The following ROBO2 variants were observed in gnomAD, a reference collection of about 807,000 sequenced individuals.
ROBO2 encodes the protein roundabout guidance receptor 2.
In ROBO2, 53 loss-of-function variants were observed where a neutral mutation model predicts 160.8. The ratio of observed to expected loss-of-function variants is 0.33; its 90% CI spans 0.26 to 0.41. ROBO2 has a LOEUF of 0.41. ROBO2 is among the 10% of genes least tolerant of loss of function. The pLI is 1.00. For missense variants in ROBO2, 1,577 were observed against 1,722.4 expected (o/e 0.92, Z 1.49); for synonymous variants, 664 against 611.7 (o/e 1.09, Z -1.26).
intron 2 of ROBO2, among the ~76,000 whole-genome samples, chr3:77,146,387 T>G (rs1366517173): frequency 6.6e-6 from 1 of 152,148 alleles, no homozygotes. Context: ...AACGTGGTAG[T>G]GGGTGATGAA....
chr3:76,628,439 T>G (rs2089812752), intron 2 of ROBO2, among the ~76,000 whole-genome samples: 1 of 150,668 alleles, frequency 6.6e-6, no homozygotes, highest in Non-Finnish European at 1.5e-5. Context: ...TTAGGTTTTT[T>G]TTTTTTTTTT....
intron 2 of ROBO2, among the ~76,000 whole-genome samples, chr3:77,168,603 C>T (rs924121325): frequency 6.6e-6 from 1 of 152,152 alleles, no homozygotes; most frequent in Non-Finnish European, 1.5e-5. Flanking sequence ...CACCTATCCT[C>T]TCATTAGAAT....
rs2076854226 is a variant in ROBO2 at position 76,440,073 on chromosome 3, A to G, written c.109+502471A>G. On this transcript the variant is annotated intron_variant, in intron 2 of 26. Transcript: ENST00000487694. ...ACATTTGCATTCTGGGGAACTCTGA[A>G]CTACCATGGATGAATCCTGTCTCTC... Among the ~76,000 whole-genome samples the G allele has an allele frequency of 2.0e-5, 3 of 152,094 alleles. No homozygotes were observed. In the South Asian group the frequency reaches 6.2e-4, roughly 32 times the overall value.
intron 2 of ROBO2, among the ~76,000 whole-genome samples, chr3:76,412,863 C>A (rs2108849562): frequency 6.6e-6 from 1 of 152,340 alleles, no homozygotes; most frequent in Middle Eastern, 3.4e-3. Context: ...CTTCTCACAG[C>A]TGCACTAGAC....
chr3:76,466,795 T>C (rs1184699383), intron 2 of ROBO2, among the ~76,000 whole-genome samples: 1 of 151,986 alleles, frequency 6.6e-6, no homozygotes. Context: ...AATCTTTAGA[T>C]ATATAGGACC....
At chr3:77,058,680 C>A (rs1381866904) in intron 1 of ROBO2, among the ~76,000 whole-genome samples, 1 of 151,808 alleles carries the variant, frequency 6.6e-6, no homozygotes, top group African/African-American at 2.4e-5. Flanking sequence ...TAGGCCTGCA[C>A]CACCACACTT....
At chr3:77,040,418 C>G (rs879546121) in exon 1 of ROBO2, 4 of 1,044,852 alleles carry the variant, frequency 3.8e-6, no homozygotes, top group African/African-American at 3.4e-5. Context: ...TTTTCCTCCC[C>G]CTTCATCATC....
chr3:77,367,644 A>G (rs1401926225), intron 2 of ROBO2, among the ~76,000 whole-genome samples: 1 of 152,248 alleles, frequency 6.6e-6, no homozygotes, highest in African/African-American at 2.4e-5. Flanking sequence ...AGAGCAGGCA[A>G]CAGTAATTTT....
intron 2 of ROBO2, among the ~76,000 whole-genome samples, chr3:76,579,226 C>T (rs1348213912): frequency 6.6e-6 from 1 of 152,128 alleles, no homozygotes; most frequent in Non-Finnish European, 1.5e-5. Context: ...TGGCTTCTTG[C>T]TGGAACCATA....
At chr3:76,033,260 C>A (rs1016680039) in intron 2 of ROBO2, among the ~76,000 whole-genome samples, 3 of 151,842 alleles carry the variant, frequency 2.0e-5, no homozygotes, top group Non-Finnish European at 4.4e-5. Context: ...GACAATATTA[C>A]CACGTGGTCT....
chr3:76,746,773 C>T (rs557486681), intron 2 of ROBO2, among the ~76,000 whole-genome samples: 1 of 152,238 alleles, frequency 6.6e-6, no homozygotes, highest in Admixed American at 6.5e-5. Flanking sequence ...GCCCAGCATG[C>T]ATTAGCTGTT....
chr3:76,141,116 GCTCTCTCTCTCTCTCTCTCT>G lies in ROBO2; in HGVS notation c.109+203539_109+203558del, dbSNP rs55829903. On this transcript the variant is annotated intron_variant, in intron 2 of 26. Transcript: ENST00000487694. ...TGGGTTTATAGGTATGAGCTACCAT[GCTCTCTCTCTCTCTCTCTCT>G]CTCTCTCTCTCTCTCTCTCTCTCTA... Among the ~76,000 whole-genome samples, 67 of 16,680 alleles carry G rather than the reference GCTCTCTCTCTCTCTCTCTCT, an allele frequency of 4.0e-3. 1 individual carries two copies. Among genetic ancestry groups the G allele is most frequent in the Admixed American group, 4.1e-3 (4 of 976 alleles). The allele number at this position is 16,680 out of a possible 152,430, so 10.9% of individuals were successfully genotyped here. A position where few individuals can be genotyped will look rare whatever the true frequency, so the allele number is the denominator to read the frequency against.
At chr3:76,920,891 A>C (rs2076613273) in intron 2 of ROBO2, among the ~76,000 whole-genome samples, 1 of 152,228 alleles carries the variant, frequency 6.6e-6, no homozygotes, top group Non-Finnish European at 1.5e-5. Context: ...CTTATAATGA[A>C]AGCAAAAACA....
intron 2 of ROBO2, among the ~76,000 whole-genome samples, chr3:76,649,942 C>T (rs2091174409): frequency 6.6e-6 from 1 of 151,998 alleles, no homozygotes; most frequent in African/African-American, 2.4e-5. Context: ...GTTATTATTA[C>T]CTTTTGAAGA....
rs2092902859 is a variant in ROBO2 at position 77,551,054 on chromosome 3, C to A, written c.1231+65C>A. The A allele has an allele frequency of 5.2e-6, 8 of 1,538,022 alleles. No homozygotes were observed. In the South Asian group the frequency reaches 5.6e-5, roughly 11 times the overall value. On this transcript the variant is annotated intron_variant, in intron 8 of 25. Coordinates refer to ENST00000461745, the Ensembl canonical transcript of ROBO2. Reference sequence around the variant, plus strand: ...ATTTTTATTTCTAGATACACGTTAACCATGTGGAGTTTGCTGATTTGTTAA... The same window carrying A: ...ATTTTTATTTCTAGATACACGTTAAACATGTGGAGTTTGCTGATTTGTTAA...
At chr3:77,049,384 C>T (rs2065001844) in intron 1 of ROBO2, among the ~76,000 whole-genome samples, 1 of 152,090 alleles carries the variant, frequency 6.6e-6, no homozygotes, top group Admixed American at 6.6e-5. Flanking sequence ...CATAAACATC[C>T]ATCTTTAAAA....
At chr3:77,220,802 CAA>C (rs2085682075) in intron 2 of ROBO2, among the ~76,000 whole-genome samples, 1 of 152,006 alleles carries the variant, frequency 6.6e-6, no homozygotes, top group Admixed American at 6.6e-5. Flanking sequence ...TCCTACGCAG[CAA>C]AGTTACCCAT....
At chr3:77,148,876 A>G (rs1453947495) in intron 2 of ROBO2, among the ~76,000 whole-genome samples, 1 of 152,200 alleles carries the variant, frequency 6.6e-6, no homozygotes, top group Non-Finnish European at 1.5e-5. Context: ...AAAAGCATAG[A>G]TTGAATCCAC....
intron 2 of ROBO2, among the ~76,000 whole-genome samples, chr3:76,871,223 T>TGAA (rs1447812815): frequency 6.6e-6 from 1 of 152,206 alleles, no homozygotes; most frequent in African/African-American, 2.4e-5. Context: ...CTGCACTTTG[T>TGAA]GAAGATTTGA....
Sources: allele counts gnomAD v4.1 joint callset (sites outside exome capture counted in the v4.1 genomes callset), GRCh38; gene constraint gnomAD v4.1.1; transcripts MANE v1.5; gene names NCBI Gene and HGNC (gene_info 2026-07-23, HGNC 2026-07-21).